SRCAP: variants seen among roughly 807,000 people sequenced by gnomAD.
SRCAP encodes Snf2 related CREBBP activator protein, also known as chromatin remodeling protein SRCAP.
SRCAP carries 46 observed loss-of-function variants against 263.1 expected under a neutral mutation model. That is an observed-to-expected ratio of 0.17 (90% CI 0.14 to 0.22). The LOEUF (loss-of-function observed/expected upper bound fraction) is 0.22, where lower values mean the gene tolerates loss of function less well. Among genes scored for constraint, SRCAP ranks in the 10% least tolerant of loss-of-function variants. The pLI, the probability that SRCAP is intolerant of heterozygous loss-of-function variation, is 1.00. For missense variants in SRCAP, 3,695 were observed against 4,181.9 expected (o/e 0.88, Z 3.21); for synonymous variants, 1,813 against 1,662.1 (o/e 1.09, Z -2.21).
At position 30,707,653 on chromosome 16, in the gene SRCAP, C is replaced by T; in HGVS notation, c.574C>T (p.Arg192Cys). 1.9e-6 allele frequency: 3 copies of T among 1,614,092 alleles called. No homozygotes were observed. Among genetic ancestry groups the T allele is most frequent in the Non-Finnish European group, 2.5e-6 (3 of 1,180,020 alleles). Residue 192 changes from arginine (R) to cysteine (C), a missense_variant, in exon 6 of 34, where the codon CGT (arginine) becomes TGT (cysteine). Around this residue, in one of 12 missense-constraint regions of SRCAP, gnomAD observed 107 missense variants for 223.8 expected, o/e 0.48. Transcript: ENST00000262518. ...RARREEQAKL[R>C]RIASTMAKDV... ...CCGGAGGGAGGAGCAGGCCAAGCTG[C>T]GTCGAATTGCTTCCACCATGGCCAA...
chr16:30,703,935 T>C (rs2052796974), intron 3 of SRCAP, 129 bp from the exon 4 acceptor site: 1 of 1,133,760 alleles, frequency 8.8e-7, no homozygotes, highest in African/African-American at 1.6e-5. Context: ...AACGTTTGTG[T>C]TTATGAAAAT....
chr16:30,713,147 C>T (rs2052910637), intron 14 of SRCAP, 61 bp from the exon 15 acceptor site: 1 of 1,540,192 alleles, frequency 6.5e-7, no homozygotes, highest in Non-Finnish European at 8.9e-7. Context: ...TTTAGCATGT[C>T]TTCCCTTTGC....
Position 30,707,843 on chromosome 16 carries a change from A to G in SRCAP, c.633+131A>G, listed in dbSNP as rs528022534. On this transcript the variant is annotated intron_variant, in intron 6 of 33. Coordinates refer to ENST00000262518, the MANE Select transcript of SRCAP (RefSeq NM_006662.3). ...GCAACTCTAATGACGTTTATGTTGT[A>G]TGGATAAAAAAGTATAGTGGCAAAA... 9 of 1,239,372 alleles carry G rather than the reference A, an allele frequency of 7.3e-6. No individual in the cohort carries two copies. The South Asian group carries it at 1.4e-4, about 19-fold the overall frequency. The allele number at this position is 1,239,372 out of a possible 1,614,324, so 76.8% of individuals were successfully genotyped here.
At chr16:30,701,181 A>G (rs1165137541) in intron 3 of SRCAP, among the ~76,000 whole-genome samples, 3 of 152,186 alleles carry the variant, frequency 2.0e-5, no homozygotes, top group Non-Finnish European at 4.4e-5. Context: ...TTTAACTTCT[A>G]TCAGTACTGG....
At chr16:30,723,491 AATGGGAAGCTTGGGGGT>A (rs1449777558) in intron 24 of SRCAP, 76 bp from the exon 25 acceptor site, 1 of 1,515,470 alleles carries the variant, frequency 6.6e-7, no homozygotes, top group African/African-American at 1.4e-5. Context: ...CCTTCTGGGA[AATGGGAAGCTTGGGGGT>A]ATGGGAAAGA....
intron 4 of SRCAP, among the ~76,000 whole-genome samples, 158 bp downstream of exon 4, chr16:30,704,473 G>A (rs2052804174): frequency 1.3e-5 from 2 of 152,034 alleles, no homozygotes; most frequent in African/African-American, 2.4e-5. Context: ...CTTGAATATT[G>A]AGTCTCATTT....
intron 3 of SRCAP, 56 bp from the exon 4 acceptor site, chr16:30,704,008 A>G: frequency 6.5e-7 from 1 of 1,538,406 alleles, no homozygotes; most frequent in Non-Finnish European, 8.8e-7. Context: ...AATGTATCTA[A>G]AACACTCAGC....
Position 30,716,167 on chromosome 16 carries a change from A to G in SRCAP, c.2595A>G (p.Gln865=), listed in dbSNP as rs754462488. ...HVIRCRLSKR[Q]RCLYDDFMAQ... The stretch of plus-strand genomic sequence containing the variant: ...TCCGCTGCAGGCTCTCCAAGCGTCA[A>G]CGCTGTCTCTATGATGACTTCATGG... Residue 865 remains glutamine, a synonymous_variant, in exon 17 of 34, where the codon CAA becomes CAG. Transcript: ENST00000262518. 11 of 1,614,112 alleles carry G rather than the reference A, an allele frequency of 6.8e-6. No individual in the cohort carries two copies. Among genetic ancestry groups the G allele is most frequent in the Admixed American group, 6.7e-5 (4 of 60,002 alleles).
rs368667241 is a variant in SRCAP at position 30,700,810 on chromosome 16, C to T, written c.-15C>T. 112 of 1,613,184 alleles carry T rather than the reference C, an allele frequency of 6.9e-5. No individual in the cohort carries two copies. The highest frequency in any genetic ancestry group is 9.4e-5 in the Non-Finnish European group (111 of 1,179,392). The stretch of plus-strand genomic sequence containing the variant: ...CATTCTTCAGGCATCCAAGGGGGAG[C>T]CTGGGAGTGGGACCATGCAGAGCAG... On this transcript the variant is annotated 5_prime_UTR_variant, in exon 3 of 34. Coordinates refer to ENST00000262518, the MANE Select transcript of SRCAP (RefSeq NM_006662.3).
chr16:30,724,274 G>GTGC lies in SRCAP; in HGVS notation c.4855_4857dup (p.Ala1619dup). ...CTTCCGGTCCTGGCACCATCGCCAG[G>GTGC]TGCTGCTCCTGTCCTGGCTTCATCA... On this transcript the variant is annotated inframe_insertion, in exon 25 of 34. Transcript: ENST00000262518. 1 of 1,613,824 alleles carries GTGC rather than the reference G, an allele frequency of 6.2e-7. No individual in the cohort carries two copies. The highest frequency in any genetic ancestry group is 1.3e-5 in the African/African-American group (1 of 74,896).
chr16:30,721,442 C>T lies in SRCAP; in HGVS notation c.3507C>T (p.Leu1169=), dbSNP rs2053010741. 1.2e-6 allele frequency: 2 copies of T among 1,612,384 alleles called. No homozygotes were observed. Among genetic ancestry groups the T allele is most frequent in the Non-Finnish European group, 1.7e-6 (2 of 1,180,026 alleles). ...VPAPTPAPQR[L]ILSPDMQARL... is the part of the protein sequence containing the mutation. Reference sequence around the variant, plus strand: ...CTCCGACTCCTGCACCACAGCGCCTCATTCTATCTCCCGATATGCAGGCTC... The same window carrying T: ...CTCCGACTCCTGCACCACAGCGCCTTATTCTATCTCCCGATATGCAGGCTC... The change falls in exon 21 of 34, where the codon CTC becomes CTT. Residue 1169 remains leucine (L), a synonymous_variant. Coordinates refer to ENST00000262518, the MANE Select transcript of SRCAP (RefSeq NM_006662.3).
At chr16:30,716,663 CTG>C (rs2052954254) in intron 18 of SRCAP, among the ~76,000 whole-genome samples, 184 bp downstream of exon 18, 1 of 152,168 alleles carries the variant, frequency 6.6e-6, no homozygotes, top group Non-Finnish European at 1.5e-5. Context: ...TTTGACTTCA[CTG>C]TGAATTTATC....
At chr16:30,726,303 T>C (rs1036957097) in intron 25 of SRCAP, 2 of 152,240 alleles carry the variant, frequency 1.3e-5, no homozygotes, top group Non-Finnish European at 2.9e-5. Flanking sequence ...ATGGTTGTTA[T>C]GAACAATGCT....
intron 27 of SRCAP, among the ~76,000 whole-genome samples, chr16:30,729,872 G>A (rs2053097029): frequency 6.6e-6 from 1 of 152,132 alleles, no homozygotes; most frequent in Admixed American, 6.5e-5. Flanking sequence ...GGTTCAAGTG[G>A]TTGTCCCACC....
intron 19 of SRCAP, 139 bp downstream of exon 19, chr16:30,720,470 C>A: frequency 9.0e-7 from 1 of 1,115,282 alleles, no homozygotes; most frequent in Non-Finnish European, 1.3e-6. Context: ...TGGAGGGAAT[C>A]AGGGAGAGAA....
chr16:30,724,489 C>T lies in SRCAP; in HGVS notation c.5065C>T (p.Pro1689Ser), dbSNP rs2053043191. Residue 1689 changes from proline to serine, a missense_variant, in exon 25 of 34, where the codon CCC becomes TCC. Physicochemically the swap from Pro to Ser is moderately conservative, Grantham distance 74. Around this residue, in one of 12 missense-constraint regions of SRCAP, gnomAD observed 1,347 missense variants for 1,304.4 expected, o/e 1.03. Transcript: ENST00000262518. ...QTLALAPALA[P>S]TLGGSSPSQT... ...ACTGGCCCTAGCCCCAGCTTTAGCA[C>T]CCACTCTTGGAGGCTCATCTCCATC... 4 of 1,614,082 alleles carry T rather than the reference C, an allele frequency of 2.5e-6. No homozygotes were observed. The highest frequency in any genetic ancestry group is 1.3e-5 in the African/African-American group (1 of 74,926).
chr16:30,729,591 G>A lies in SRCAP; in HGVS notation c.6127+19G>A. The A allele has an allele frequency of 1.9e-6, 3 of 1,613,288 alleles. No homozygotes were observed. Among genetic ancestry groups the A allele is most frequent in the Non-Finnish European group, 1.7e-6 (2 of 1,179,286 alleles). On this transcript the variant is annotated intron_variant, in intron 27 of 33. Transcript: ENST00000262518. Reference sequence around the variant, plus strand: ...GATTGCGGTGAGTTTGTTGGCCAGTGTAGGACCCTTGACTTCTCTTCTTTT... The same window carrying A: ...GATTGCGGTGAGTTTGTTGGCCAGTATAGGACCCTTGACTTCTCTTCTTTT...
chr16:30,737,579 G>A lies in SRCAP; in HGVS notation c.7539G>A (p.Pro2513=), dbSNP rs34062097. 35 of 1,613,360 alleles carry A rather than the reference G, an allele frequency of 2.2e-5. No individual in the cohort carries two copies. Among genetic ancestry groups the A allele is most frequent in the South Asian group, 3.3e-5 (3 of 91,042 alleles). ...PACTPPPAHT[P]PPAQTCLVTP... is the part of the protein sequence containing the mutation. ...GTACCCCTCCACCAGCTCATACACC[G>A]CCTCCAGCCCAAACCTGTCTTGTAA... The change falls in exon 34 of 34, where the codon CCG becomes CCA. Residue 2513 remains proline (P), a synonymous_variant. Coordinates refer to ENST00000262518, the MANE Select transcript of SRCAP (RefSeq NM_006662.3).
In SRCAP at chr16:30,724,751, C is replaced by G. The variant is rs1433059452; in HGVS notation, c.5327C>G (p.Ser1776Cys). ...CTGACTTTGGCTCCAGCATCGTCATCTGCTTCACTCCTGGCCCCAGCTTCA... is the reference window on the plus strand; with the variant it reads ...CTGACTTTGGCTCCAGCATCGTCATGTGCTTCACTCCTGGCCCCAGCTTCA... ...HTLTLAPASS[S>C]ASLLAPASVQ... is the part of the protein sequence containing the mutation. Residue 1776 changes from serine (S) to cysteine (C), a missense_variant, in exon 25 of 34, where the codon TCT (serine) becomes TGT (cysteine). Transcript: ENST00000262518. 3 of 1,613,870 alleles carry G rather than the reference C, an allele frequency of 1.9e-6. No homozygotes were observed. Among genetic ancestry groups the G allele is most frequent in the Non-Finnish European group, 2.5e-6 (3 of 1,179,946 alleles).
Sources: allele counts gnomAD v4.1 joint callset (sites outside exome capture counted in the v4.1 genomes callset), GRCh38; gene constraint gnomAD v4.1.1; regional missense constraint gnomAD v4.1.1; transcripts MANE v1.5; gene names NCBI Gene and HGNC (gene_info 2026-07-23, HGNC 2026-07-21).